PLA2R1: variants seen among roughly 807,000 people sequenced by gnomAD.
PLA2R1 encodes the protein secretory phospholipase A2 receptor.
In PLA2R1, 158 loss-of-function variants were observed where a neutral mutation model predicts 195.9. That is an observed-to-expected ratio of 0.81 (90% CI 0.71 to 0.92). The LOEUF (loss-of-function observed/expected upper bound fraction) is 0.92, where lower values mean the gene tolerates loss of function less well. PLA2R1 is among the 40% of genes least tolerant of loss of function. The pLI, the probability that PLA2R1 is intolerant of heterozygous loss-of-function variation, is 0.00. For missense variants in PLA2R1, 1,626 were observed against 1,764.6 expected, an observed-to-expected ratio of 0.92 and a Z score of 1.41; for synonymous variants, 586 against 598.2, an observed-to-expected ratio of 0.98 and a Z score of 0.30.
At position 160,028,311 on chromosome 2, in the gene PLA2R1, A is replaced by T; in HGVS notation, c.1006T>A (p.Phe336Ile). Reference sequence around the variant, plus strand: ...CGACTCCTCCAGGCACTTGGCATAAATGAACTAAATGTTCCACAGTGATCT... The same window carrying T: ...CGACTCCTCCAGGCACTTGGCATAATTGAACTAAATGTTCCACAGTGATCT... ...VEDHCGTFSS[F>I]MPSAWRSRDC... The change falls in exon 6 of 30, where the codon TTT becomes ATT. Residue 336 changes from phenylalanine to isoleucine, a missense_variant. Physicochemically the swap from Phe to Ile is conservative, Grantham distance 21. Coordinates refer to ENST00000283243, the MANE Select transcript of PLA2R1 (RefSeq NM_007366.5). 6.2e-7 allele frequency: 1 copy of T among 1,608,568 alleles called. No homozygotes were observed. Among genetic ancestry groups the T allele is most frequent in the Non-Finnish European group, 8.5e-7 (1 of 1,175,602 alleles).
At position 160,044,842 on chromosome 2, in the gene PLA2R1, C is replaced by T. The variant is rs12327936; in HGVS notation, c.425G>A (p.Arg142Gln). ...AGAAATCCACTTATGAATATACTTC[C>T]GTGAGGCCACCACTGTGTTGTCATG... ...VAHDNTVVASRKYIHKWISYG... is the reference protein window; with the variant it reads ...VAHDNTVVASQKYIHKWISYG... The change falls in exon 2 of 30, where the codon CGG becomes CAG. Residue 142 changes from arginine to glutamine, a missense_variant. Coordinates refer to ENST00000283243, the MANE Select transcript of PLA2R1 (RefSeq NM_007366.5). 18,690 of 1,613,854 alleles carry T rather than the reference C, an allele frequency of 0.012. 198 individuals carry two copies. The highest frequency in any genetic ancestry group is 0.039 in the Admixed American group (2,355 of 60,014).
At chr2:160,032,109 G>A (rs1269401391) in intron 4 of PLA2R1, among the ~76,000 whole-genome samples, 1 of 152,226 alleles carries the variant, frequency 6.6e-6, no homozygotes, top group Non-Finnish European at 1.5e-5. Context: ...TATATACTGT[G>A]TATGTACACA....
At position 160,015,476 on chromosome 2, in the gene PLA2R1, T is replaced by C. The variant is rs567252261; in HGVS notation, c.1551+1138A>G. 2.0e-5 allele frequency among the ~76,000 whole-genome samples: 3 copies of C among 152,310 alleles called. No individual in the cohort carries two copies. The South Asian group carries it at 6.2e-4, about 32-fold the overall frequency. ...AACTTTAAATACTGGTAATGCTGGCTGGAAAAGGGAAGCCATGAACAAAAG... is the reference window on the plus strand; with the variant it reads ...AACTTTAAATACTGGTAATGCTGGCCGGAAAAGGGAAGCCATGAACAAAAG... On this transcript the variant is annotated intron_variant, in intron 9 of 29. Transcript: ENST00000283243.
In PLA2R1 at chr2:160,008,497, G is replaced by A. The variant is rs538804407; in HGVS notation, c.1665-2676C>T. 4.1e-4 allele frequency among the ~76,000 whole-genome samples: 62 copies of A among 152,284 alleles called. 1 individual carries two copies. In the South Asian group the frequency reaches 4.6e-3, roughly 11 times the overall value. On this transcript the variant is annotated intron_variant, in intron 10 of 29. Coordinates refer to ENST00000283243, the MANE Select transcript of PLA2R1 (RefSeq NM_007366.5). ...TGCAGGGAAAACTAGACAACCACTT[G>A]CAACAGAATGAAGTTAGACCCTTAC...
chr2:160,027,229 T>C (rs557770567), intron 6 of PLA2R1, among the ~76,000 whole-genome samples: 1 of 151,282 alleles, frequency 6.6e-6, no homozygotes, highest in South Asian at 2.1e-4. Context: ...AATTAGCAGA[T>C]AGAAGGATAA....
chr2:159,979,949 C>A, intron 13 of PLA2R1, 35 bp from the exon 14 acceptor site: 1 of 1,310,278 alleles, frequency 7.6e-7, no homozygotes, highest in Non-Finnish European at 1.1e-6. Flanking sequence ...TTGCCTTTCC[C>A]ATCAAATTTA....
At chr2:160,019,996 G>A in intron 8 of PLA2R1, 110 bp downstream of exon 8, 1 of 668,284 alleles carries the variant, frequency 1.5e-6, no homozygotes, top group Non-Finnish European at 2.6e-6. Context: ...AGGCCCATGA[G>A]GAACAGGGAC....
rs1299183310 is a variant in PLA2R1 at position 159,935,494 on chromosome 2, A to T, written c.*6284T>A. 1 of 152,168 alleles carries T rather than the reference A, an allele frequency of 6.6e-6. No homozygotes were observed. The highest frequency in any genetic ancestry group is 1.5e-5 in the Non-Finnish European group (1 of 68,036). 9.4% of individuals were successfully genotyped at this position (152,168 alleles called of 1,614,324 possible). A position where few individuals can be genotyped will look rare whatever the true frequency, so the allele number is the denominator to read the frequency against. ...TGTTTACATCAGTATGGACACACAG[A>T]TATTTATTGTGTGGGTTATAATCCA... On this transcript the variant is annotated 3_prime_UTR_variant, in exon 30 of 30. Coordinates refer to ENST00000283243, the MANE Select transcript of PLA2R1 (RefSeq NM_007366.5).
intron 4 of PLA2R1, among the ~76,000 whole-genome samples, chr2:160,031,963 C>T (rs549157289): frequency 1.3e-5 from 2 of 152,272 alleles, no homozygotes; most frequent in East Asian, 3.9e-4. Flanking sequence ...GAGAGGATTT[C>T]GCCATGTTGG....
rs373930296 is a variant in PLA2R1, at chr2:159,992,867, AC to A, written c.1835-5510del. Among the ~76,000 whole-genome samples, 256 of 152,228 alleles carry A rather than the reference AC, an allele frequency of 1.7e-3. 1 individual carries two copies. The highest frequency in any genetic ancestry group is 5.8e-3 in the African/African-American group (243 of 41,562). On this transcript the variant is annotated intron_variant, in intron 11 of 29. Coordinates refer to ENST00000283243, the MANE Select transcript of PLA2R1 (RefSeq NM_007366.5). ...CATGGGTTTGGAACAATTGGGTTGAACATGCCCCGGAGTCATCCCATATGAA... is the reference window on the plus strand; with the variant it reads ...CATGGGTTTGGAACAATTGGGTTGAAATGCCCCGGAGTCATCCCATATGAA...
chr2:159,986,142 A>G (rs955330721), intron 12 of PLA2R1, among the ~76,000 whole-genome samples: 1 of 152,092 alleles, frequency 6.6e-6, no homozygotes, highest in Non-Finnish European at 1.5e-5. Context: ...CTATCTGTGA[A>G]TACAAGTTGA....
In PLA2R1 at chr2:159,969,321, T is replaced by C. The variant is rs371605754; in HGVS notation, c.2699A>G (p.Asp900Gly). The change falls in exon 19 of 30, where the codon GAC becomes GGC. Residue 900 changes from aspartate (D) to glycine (G), a missense_variant. Transcript: ENST00000283243. ...ATTCACAGTTCTTTCTCTTCCTGTGTCCCAGTTCTGGTATATCACTGGTGT... is the reference window on the plus strand; with the variant it reads ...ATTCACAGTTCTTTCTCTTCCTGTGCCCCAGTTCTGGTATATCACTGGTGT... ...DGTPVIYQNW[D>G]TGRERTVNNQ... 6.2e-7 allele frequency: 1 copy of C among 1,608,670 alleles called. No individual in the cohort carries two copies. The highest frequency in any genetic ancestry group is 8.5e-7 in the Non-Finnish European group (1 of 1,175,292).
At chr2:159,926,896 G>A in the PLA2R1 span, among the ~76,000 whole-genome samples, 4 of 152,276 alleles carry the variant, frequency 2.6e-5, no homozygotes, top group African/African-American at 7.2e-5. Flanking sequence ...CCAGCACTGC[G>A]TCCCCGGTGG....
chr2:160,017,477 TG>T (rs1692843192), intron 8 of PLA2R1, among the ~76,000 whole-genome samples: 1 of 152,322 alleles, frequency 6.6e-6, no homozygotes, highest in South Asian at 2.1e-4. Flanking sequence ...TACCTGATGC[TG>T]GGGAAATTCC....
chr2:159,937,206 C>A lies in PLA2R1; in HGVS notation c.*4572G>T, dbSNP rs1560122510. On this transcript the variant is annotated 3_prime_UTR_variant, in exon 30 of 30. Coordinates refer to ENST00000283243, the MANE Select transcript of PLA2R1 (RefSeq NM_007366.5). ...AAAATTAAAAGGCTTTACTAAGACTCTTCAAATAACTGTTCATTATGCCTG... is the reference window on the plus strand; with the variant it reads ...AAAATTAAAAGGCTTTACTAAGACTATTCAAATAACTGTTCATTATGCCTG... 6.6e-6 allele frequency: 1 copy of A among 152,174 alleles called. No homozygotes were observed. The highest frequency in any genetic ancestry group is 1.5e-5 in the Non-Finnish European group (1 of 68,032). The allele number at this position is 152,174 out of a possible 1,614,324, so 9.4% of individuals were successfully genotyped here.
At position 159,945,075 on chromosome 2, in the gene PLA2R1, G is replaced by A. The variant is rs936634907; in HGVS notation, c.3975C>T (p.Thr1325=). The part of the protein sequence containing the change: ...LNAQFDGNNE[T]IKWFDGTPTD... ...TGGGAGTTCCATCAAACCACTTTAT[G>A]GTTTCATCTGTGAGAAAATTGCTGA... Residue 1325 remains threonine (T), a synonymous_variant, in exon 28 of 30, where the codon ACC becomes ACT. Transcript: ENST00000283243. The A allele has an allele frequency of 1.4e-5, 22 of 1,605,272 alleles. No individual in the cohort carries two copies. The highest frequency in any genetic ancestry group is 1.9e-5 in the Non-Finnish European group (22 of 1,174,842).
downstream of PLA2R1, among the ~76,000 whole-genome samples, chr2:159,928,799 T>C (rs7605353): frequency 0.056 from 8,506 of 152,220 alleles, 768 homozygotes; most frequent in African/African-American, 0.19. Flanking sequence ...GGTATAAAAA[T>C]AGTCACATAG....
At chr2:159,960,678 T>C (rs1574673374) in intron 20 of PLA2R1, among the ~76,000 whole-genome samples, 1 of 152,194 alleles carries the variant, frequency 6.6e-6, no homozygotes, top group African/African-American at 2.4e-5. Flanking sequence ...GGGACAAGTA[T>C]CTTAGATGAC....
At chr2:159,993,122 G>A (rs184212383) in intron 11 of PLA2R1, among the ~76,000 whole-genome samples, 11 of 151,914 alleles carry the variant, frequency 7.2e-5, no homozygotes, top group Admixed American at 2.6e-4. Flanking sequence ...TTTAATCTAG[G>A]GGTACAAAGT....
Sources: allele counts gnomAD v4.1 joint callset (sites outside exome capture counted in the v4.1 genomes callset), GRCh38; gene constraint gnomAD v4.1.1; transcripts MANE v1.5; gene names NCBI Gene and HGNC (gene_info 2026-07-23, HGNC 2026-07-21).